TAF13: variants seen among roughly 807,000 people sequenced by gnomAD.
The protein encoded by TAF13 is transcription initiation factor TFIID subunit 13.
A neutral mutation model predicts 18.7 loss-of-function variants in TAF13; 9 were observed. The ratio of observed to expected loss-of-function variants is 0.48; its 90% CI spans 0.29 to 0.84. TAF13 has a LOEUF of 0.84. Ranked by LOEUF, TAF13 falls within the 40% of genes least tolerant of loss-of-function variation. TAF13 has a pLI of 0.08. For synonymous variants in TAF13, 49 were observed against 44.1 expected, an observed-to-expected ratio of 1.11 and a Z score of -0.44; for missense variants, 105 against 146.5, an observed-to-expected ratio of 0.72 and a Z score of 1.46.
intron 2 of TAF13, among the ~76,000 whole-genome samples, chr1:109,067,278 C>A (rs148090820): frequency 1.3e-5 from 2 of 151,772 alleles, no homozygotes; most frequent in East Asian, 3.9e-4. Context: ...GGCAACATGG[C>A]GAAACCCTGT....
At chr1:109,069,884 C>T (rs1664020197) in intron 2 of TAF13, among the ~76,000 whole-genome samples, 1 of 152,046 alleles carries the variant, frequency 6.6e-6, no homozygotes, top group African/African-American at 2.4e-5. Flanking sequence ...CCAATAGTTC[C>T]TATCGTTCTG....
At chr1:109,072,366 CA>C (rs1263278450) in intron 2 of TAF13, among the ~76,000 whole-genome samples, 4 of 151,466 alleles carry the variant, frequency 2.6e-5, no homozygotes, top group Non-Finnish European at 2.9e-5. Flanking sequence ...CTCGTGTTGC[CA>C]AAAAGGGTCA....
Position 109,064,389 on chromosome 1 carries a change from A to G in TAF13, c.*134T>C. ...ATATCACCCTAAAATCAAAGGCATAAAAATAAAGGCTGAAAACTTTGTGTT... is the reference window on the plus strand; with the variant it reads ...ATATCACCCTAAAATCAAAGGCATAGAAATAAAGGCTGAAAACTTTGTGTT... On this transcript the variant is annotated 3_prime_UTR_variant, in exon 4 of 4. Coordinates refer to ENST00000338366, the MANE Select transcript of TAF13 (RefSeq NM_005645.4). 1 of 833,788 alleles carries G rather than the reference A, an allele frequency of 1.2e-6. No individual in the cohort carries two copies. 51.6% of individuals were successfully genotyped at this position (833,788 alleles called of 1,614,324 possible).
rs1056640020 is a variant in TAF13 at position 109,064,704 on chromosome 1, G to T, written c.205-11C>A. On this transcript the variant is annotated splice_polypyrimidine_tract_variant and intron_variant, in intron 3 of 3. Coordinates refer to ENST00000338366, the MANE Select transcript of TAF13 (RefSeq NM_005645.4). ...CATTGCCTTGTGAGTCTATTACAAA[G>T]AAACATATTACATTTAACTTTTTTA... 5 of 1,439,738 alleles carry T rather than the reference G, an allele frequency of 3.5e-6. No homozygotes were observed. Among genetic ancestry groups the T allele is most frequent in the South Asian group, 1.6e-5 (1 of 61,658 alleles). 89.2% of individuals were successfully genotyped at this position (1,439,738 alleles called of 1,614,324 possible).
At chr1:109,072,013 TACACACAC>T (rs1191907514) in intron 2 of TAF13, among the ~76,000 whole-genome samples, 36 of 2,572 alleles carry the variant, frequency 0.014, 2 homozygotes, top group Middle Eastern at 0.5. Flanking sequence ...TATATATATA[TACACACAC>T]ATATATATAT....
At chr1:109,072,393 G>C in intron 2 of TAF13, among the ~76,000 whole-genome samples, 1 of 151,708 alleles carries the variant, frequency 6.6e-6, no homozygotes, top group East Asian at 1.9e-4. Context: ...GTCTACTGAG[G>C]GGGTAGGATG....
chr1:109,071,604 C>T (rs1479338549), intron 2 of TAF13, among the ~76,000 whole-genome samples: 3 of 151,580 alleles, frequency 2.0e-5, no homozygotes, highest in Non-Finnish European at 4.4e-5. Context: ...AAGAGTGAGA[C>T]CCTGTCTCTA....
chr1:109,064,230 C>A lies in TAF13; in HGVS notation c.*293G>T. 7.2e-6 allele frequency: 1 copy of A among 138,584 alleles called. No homozygotes were observed. The allele number at this position is 138,584 out of a possible 1,614,324, so 8.6% of individuals were successfully genotyped here. On this transcript the variant is annotated 3_prime_UTR_variant, in exon 4 of 4. Transcript: ENST00000338366. Reference sequence around the variant, plus strand: ...ATAAACATACCTAACACATTAAATACTACTTTATCCTTTAAATAGTCAAAA... The same window carrying A: ...ATAAACATACCTAACACATTAAATAATACTTTATCCTTTAAATAGTCAAAA...
Position 109,064,667 on chromosome 1 carries a change from T to C in TAF13, c.231A>G (p.Arg77=), listed in dbSNP as rs771187597. ...EMTHKAMSIG[R]QGRVQVEDIV... ...TATCTTCAACTTGTACTCGACCTTG[T>C]CTTCCAATTGACATTGCCTTGTGAG... The change falls in exon 4 of 4, where the codon AGA becomes AGG. Residue 77 remains arginine (R), a synonymous_variant. Coordinates refer to ENST00000338366, the MANE Select transcript of TAF13 (RefSeq NM_005645.4). 6 of 1,535,484 alleles carry C rather than the reference T, an allele frequency of 3.9e-6. No individual in the cohort carries two copies. Among genetic ancestry groups the C allele is most frequent in the South Asian group, 2.6e-5 (2 of 76,352 alleles).
intron 2 of TAF13, among the ~76,000 whole-genome samples, chr1:109,071,178 C>T (rs1664043619): frequency 1.3e-5 from 2 of 151,674 alleles, no homozygotes; most frequent in Non-Finnish European, 2.9e-5. Context: ...CGGTGGCTCA[C>T]GCCTGTAATT....
At chr1:109,064,979 T>C (rs1343114469) in intron 3 of TAF13, among the ~76,000 whole-genome samples, 1 of 152,126 alleles carries the variant, frequency 6.6e-6, no homozygotes, top group African/African-American at 2.4e-5. Context: ...GTAGATTTTG[T>C]CTTCATTTAT....
chr1:109,069,221 G>C (rs1012391357), intron 2 of TAF13, among the ~76,000 whole-genome samples: 1 of 130,650 alleles, frequency 7.7e-6, no homozygotes, highest in Non-Finnish European at 1.7e-5. Context: ...GTGTGTGTGT[G>C]CGCACATGTA....
At chr1:109,069,425 T>C (rs1458466752) in intron 2 of TAF13, among the ~76,000 whole-genome samples, 1 of 152,224 alleles carries the variant, frequency 6.6e-6, no homozygotes, top group African/African-American at 2.4e-5. Context: ...TGTAAATAGT[T>C]GTTATACTAT....
intron 1 of TAF13, 45 bp downstream of exon 1, chr1:109,075,876 A>C: frequency 6.2e-7 from 1 of 1,613,652 alleles, no homozygotes; most frequent in Non-Finnish European, 8.5e-7. Context: ...ACTGAGCCCG[A>C]AGGAGTGAAG....
chr1:109,074,300 A>G (rs533795586), intron 2 of TAF13, among the ~76,000 whole-genome samples: 1 of 152,336 alleles, frequency 6.6e-6, no homozygotes, highest in East Asian at 1.9e-4. Flanking sequence ...TCTCTGAAAC[A>G]TGTGCTGTGT....
At chr1:109,073,198 T>C (rs567252208) in intron 2 of TAF13, among the ~76,000 whole-genome samples, 32 of 152,090 alleles carry the variant, frequency 2.1e-4, no homozygotes, top group African/African-American at 7.7e-4. Flanking sequence ...AATGGAGGTA[T>C]GTTCTTCTGC....
intron 2 of TAF13, among the ~76,000 whole-genome samples, chr1:109,071,977 CACACATATATATATATATATATATAT>C (rs1664067825): frequency 1.5e-4 from 1 of 6,842 alleles, no homozygotes; most frequent in Non-Finnish European, 2.8e-4. Context: ...TATATATATA[CACACATATATATATATATATATATAT>C]ATATATATAT....
intron 2 of TAF13, among the ~76,000 whole-genome samples, chr1:109,073,023 G>A (rs866559702): frequency 2.0e-5 from 3 of 151,756 alleles, no homozygotes; most frequent in Middle Eastern, 3.4e-3. Flanking sequence ...GTGAGCCACT[G>A]CACCCAGCTG....
chr1:109,068,699 C>T (rs1369809956), intron 2 of TAF13, among the ~76,000 whole-genome samples: 1 of 152,028 alleles, frequency 6.6e-6, no homozygotes, highest in African/African-American at 2.4e-5. Context: ...AGTCCAGAGA[C>T]AAGCTTTAAG....
Sources: allele counts gnomAD v4.1 joint callset (sites outside exome capture counted in the v4.1 genomes callset), GRCh38; gene constraint gnomAD v4.1.1; transcripts MANE v1.5; gene names NCBI Gene and HGNC (gene_info 2026-07-23, HGNC 2026-07-21).